The following HHAT variants were observed in gnomAD, a reference collection of about 807,000 sequenced individuals.
The protein encoded by HHAT is protein-cysteine N-palmitoyltransferase HHAT.
A neutral mutation model predicts 70.8 loss-of-function variants in HHAT; 47 were observed. That is an observed-to-expected ratio of 0.66 (90% CI 0.53 to 0.85). The LOEUF is 0.85. Ranked by LOEUF, HHAT falls within the 40% of genes least tolerant of loss-of-function variation. HHAT has a pLI of 0.00. For missense variants in HHAT, 609 were observed against 604.8 expected, an observed-to-expected ratio of 1.01 and a Z score of -0.07; for synonymous variants, 228 against 247.6, an observed-to-expected ratio of 0.92 and a Z score of 0.74.
intron 10 of HHAT, among the ~76,000 whole-genome samples, chr1:210,619,093 T>C (rs1668321814): frequency 6.6e-6 from 1 of 152,152 alleles, no homozygotes; most frequent in Admixed American, 6.5e-5. Flanking sequence ...AGGCCAGTGT[T>C]CTGAGGGGCT....
intron 8 of HHAT, among the ~76,000 whole-genome samples, chr1:210,495,838 T>C (rs914791511): frequency 6.6e-6 from 1 of 151,912 alleles, no homozygotes; most frequent in Non-Finnish European, 1.5e-5. Context: ...TGAAACTCCA[T>C]CTCTGCTAAA....
chr1:210,667,418 T>C (rs1264492604), intron 11 of HHAT, among the ~76,000 whole-genome samples: 1 of 136,644 alleles, frequency 7.3e-6, no homozygotes, highest in Non-Finnish European at 1.7e-5. Flanking sequence ...AATTATTTTT[T>C]CTCACATCTT....
intron 7 of HHAT, among the ~76,000 whole-genome samples, chr1:210,426,663 G>A (rs1324779908): frequency 6.6e-6 from 1 of 152,108 alleles, no homozygotes; most frequent in Non-Finnish European, 1.5e-5. Flanking sequence ...TGCATATGTT[G>A]AGTCAACCTT....
chr1:210,636,657 A>G (rs149707205), intron 11 of HHAT, among the ~76,000 whole-genome samples: 394 of 152,120 alleles, frequency 2.6e-3, no homozygotes, highest in African/African-American at 9.0e-3. Flanking sequence ...TTAGAATTCT[A>G]TTTTCTCCCA....
At chr1:210,588,191 C>T in intron 10 of HHAT, 92 bp downstream of exon 10, 1 of 1,064,828 alleles carries the variant, frequency 9.4e-7, no homozygotes. Flanking sequence ...CCTGCCCCCA[C>T]TATGGGCCCT....
rs913893693 is a variant in HHAT at position 210,645,642 on chromosome 1, G to A, written c.1390+21972G>A. Among the ~76,000 whole-genome samples the A allele has an allele frequency of 4.6e-5, 7 of 152,226 alleles. No homozygotes were observed. The East Asian group carries it at 5.8e-4, about 13-fold the overall frequency. On this transcript the variant is annotated intron_variant, in intron 11 of 11. Coordinates refer to ENST00000261458, the MANE Select transcript of HHAT (RefSeq NM_018194.6). Reference sequence around the variant, plus strand: ...CGTGGTTGGGTTCGCACTGCGAGGTGTATGCTTTCTTTCTCAGTTCTGTCC... The same window carrying A: ...CGTGGTTGGGTTCGCACTGCGAGGTATATGCTTTCTTTCTCAGTTCTGTCC...
rs75873513 is a variant in HHAT, at chr1:210,537,847, C to G, written c.1043+24659C>G. ...AAAGCAATAAACTGTTTCCTTTACCCTTTTCAATTGAAAGAAGAACAGTTT... is the reference window on the plus strand; with the variant it reads ...AAAGCAATAAACTGTTTCCTTTACCGTTTTCAATTGAAAGAAGAACAGTTT... On this transcript the variant is annotated intron_variant, in intron 9 of 11. Transcript: ENST00000261458. Among the ~76,000 whole-genome samples, 660 of 152,222 alleles carry G rather than the reference C, an allele frequency of 4.3e-3. 5 individuals are homozygous for G. Among genetic ancestry groups the G allele is most frequent in the Middle Eastern group, 0.01 (3 of 292 alleles).
chr1:210,674,436 C>T lies in HHAT; in HGVS notation c.*57C>T. 7 of 1,364,600 alleles carry T rather than the reference C, an allele frequency of 5.1e-6. No homozygotes were observed. Among genetic ancestry groups the T allele is most frequent in the Non-Finnish European group, 4.2e-6 (4 of 957,170 alleles). The allele number at this position is 1,364,600 out of a possible 1,614,324, so 84.5% of individuals were successfully genotyped here. On this transcript the variant is annotated 3_prime_UTR_variant, in exon 12 of 12. Coordinates refer to ENST00000261458, the MANE Select transcript of HHAT (RefSeq NM_018194.6). ...GGCCTCCAAGGCAAATAGTGCTTCA[C>T]CCTGACCTCTCACTCCAGGACAGCC...
chr1:210,370,163 CTT>C (rs200442278), intron 3 of HHAT, among the ~76,000 whole-genome samples: 5 of 122,376 alleles, frequency 4.1e-5, no homozygotes, highest in African/African-American at 1.4e-4. Context: ...TCTTCAATGA[CTT>C]TTTTTTTTTT....
intron 8 of HHAT, among the ~76,000 whole-genome samples, chr1:210,478,438 A>T (rs928577771): frequency 6.6e-6 from 1 of 152,162 alleles, no homozygotes; most frequent in Non-Finnish European, 1.5e-5. Context: ...AAAGACTTCA[A>T]TTAGAGTTAT....
intron 9 of HHAT, among the ~76,000 whole-genome samples, chr1:210,518,175 A>G (rs888294628): frequency 1.3e-5 from 2 of 152,196 alleles, no homozygotes; most frequent in African/African-American, 4.8e-5. Context: ...GTGCAATCGG[A>G]CACCAGAACT....
At chr1:210,602,854 C>T (rs1043794851) in intron 10 of HHAT, among the ~76,000 whole-genome samples, 2 of 152,180 alleles carry the variant, frequency 1.3e-5, no homozygotes, top group South Asian at 4.2e-4. Context: ...CTATGCAATT[C>T]GCTGGTTACA....
intron 1 of HHAT, among the ~76,000 whole-genome samples, chr1:210,336,336 C>A (rs893688233): frequency 4.0e-5 from 5 of 123,912 alleles, no homozygotes; most frequent in African/African-American, 1.5e-4. Flanking sequence ...CCATGTTGCC[C>A]AGGCTGGTCT....
chr1:210,479,084 T>A (rs984560196), intron 8 of HHAT, among the ~76,000 whole-genome samples: 1 of 152,156 alleles, frequency 6.6e-6, no homozygotes, highest in Non-Finnish European at 1.5e-5. Context: ...CGGGCAAGTT[T>A]TATCAGCATC....
chr1:210,629,845 GTTTTTTGTTTTTTT>G lies in HHAT; in HGVS notation c.1390+6181_1390+6194del, dbSNP rs779307120. ...TGTTTCTGTTTTTTTTTTGTTTTTT[GTTTTTTGTTTTTTT>G]TTTTTGAGACGGAGTCTCTGTCACC... is the stretch of plus-strand genomic sequence containing the variant. On this transcript the variant is annotated intron_variant, in intron 11 of 11. Transcript: ENST00000261458. 9.7e-3 allele frequency among the ~76,000 whole-genome samples: 1,388 copies of G among 143,232 alleles called. 9 individuals carry two copies. The highest frequency in any genetic ancestry group is 0.011 in the Non-Finnish European group (724 of 64,488). The allele number at this position is 143,232 out of a possible 152,430, so 94.0% of individuals were successfully genotyped here.
chr1:210,572,735 T>C (rs1374188591), intron 9 of HHAT, among the ~76,000 whole-genome samples: 2 of 151,568 alleles, frequency 1.3e-5, no homozygotes, highest in Non-Finnish European at 2.9e-5. Flanking sequence ...CTCTAAAATA[T>C]ATAAAAAAAA....
chr1:210,379,347 A>G (rs1426225472), intron 3 of HHAT, among the ~76,000 whole-genome samples: 1 of 152,226 alleles, frequency 6.6e-6, no homozygotes, highest in Non-Finnish European at 1.5e-5. Context: ...AGCTACAGGG[A>G]ATTCTGGGAT....
rs181494771 is a variant in HHAT at position 210,559,654 on chromosome 1, G to C, written c.1044-28244G>C. On this transcript the variant is annotated intron_variant, in intron 9 of 11. Coordinates refer to ENST00000261458, the MANE Select transcript of HHAT (RefSeq NM_018194.6). ...AGGTTTTCCCACCAAATGTCCTGGA[G>C]ACCATAGGTCAGAGACAGAAATCCA... Among the ~76,000 whole-genome samples the C allele has an allele frequency of 2.6e-5, 4 of 152,324 alleles. No individual in the cohort carries two copies. The East Asian group carries it at 7.7e-4, about 29-fold the overall frequency.
intron 9 of HHAT, among the ~76,000 whole-genome samples, chr1:210,534,376 C>T (rs1390628550): frequency 6.6e-6 from 1 of 151,414 alleles, no homozygotes; most frequent in Non-Finnish European, 1.5e-5. Flanking sequence ...AAGATTTATA[C>T]ATATTTTTTT....
Sources: allele counts gnomAD v4.1 joint callset (sites outside exome capture counted in the v4.1 genomes callset), GRCh38; gene constraint gnomAD v4.1.1; transcripts MANE v1.5; gene names NCBI Gene and HGNC (gene_info 2026-07-23, HGNC 2026-07-21).